SNTG1: variants seen among roughly 807,000 people sequenced by gnomAD.
SNTG1 encodes the protein gamma-1-syntrophin.
SNTG1 carries 39 observed loss-of-function variants against 74.7 expected under a neutral mutation model. The ratio of observed to expected loss-of-function variants is 0.52; its 90% CI spans 0.40 to 0.68. The LOEUF (loss-of-function observed/expected upper bound fraction) is 0.68. SNTG1 is among the 30% of genes least tolerant of loss of function. SNTG1 has a pLI of 0.00. For missense variants in SNTG1, 685 were observed against 609.5 expected (o/e 1.12, Z -1.30); for synonymous variants, 254 against 217.1 (o/e 1.17, Z -1.49).
At chr8:50,784,413 G>C (rs1020239449) in intron 18 of SNTG1, among the ~76,000 whole-genome samples, 1 of 151,982 alleles carries the variant, frequency 6.6e-6, no homozygotes, top group Non-Finnish European at 1.5e-5. Flanking sequence ...TACAAAAAAG[G>C]CTTTAAGTCA....
intron 1 of SNTG1, among the ~76,000 whole-genome samples, chr8:50,005,472 C>A (rs1366676650): frequency 7.4e-5 from 11 of 148,890 alleles, no homozygotes; most frequent in South Asian, 2.1e-4. Context: ...GGTATTACTG[C>A]AAAAAAAAAA....
chr8:50,271,532 T>C (rs1310622607), intron 2 of SNTG1, among the ~76,000 whole-genome samples: 1 of 152,190 alleles, frequency 6.6e-6, no homozygotes, highest in Non-Finnish European at 1.5e-5. Flanking sequence ...GCTGATTAAA[T>C]TTATAAGGTT....
intron 2 of SNTG1, among the ~76,000 whole-genome samples, chr8:50,249,108 A>C (rs2129845267): frequency 6.6e-6 from 1 of 152,226 alleles, no homozygotes; most frequent in East Asian, 1.9e-4. Context: ...CTACAAGGAA[A>C]ATACAAGCTG....
chr8:50,376,246 C>T (rs1217834110), intron 2 of SNTG1, among the ~76,000 whole-genome samples: 2 of 152,136 alleles, frequency 1.3e-5, no homozygotes, highest in African/African-American at 2.4e-5. Flanking sequence ...ACAGATTATA[C>T]ACATCCTCCA....
chr8:50,456,261 C>A (rs992121666), intron 8 of SNTG1, among the ~76,000 whole-genome samples: 2 of 152,144 alleles, frequency 1.3e-5, no homozygotes, highest in East Asian at 3.9e-4. Context: ...TATTTGTCCT[C>A]TTATTTTTTG....
At chr8:50,634,491 T>G (rs1227656035) in intron 13 of SNTG1, among the ~76,000 whole-genome samples, 1 of 152,204 alleles carries the variant, frequency 6.6e-6, no homozygotes, top group African/African-American at 2.4e-5. Flanking sequence ...TAACTGAAAT[T>G]TTATTGAAAT....
intron 13 of SNTG1, among the ~76,000 whole-genome samples, chr8:50,628,284 C>A (rs2094970806): frequency 2.0e-5 from 3 of 151,804 alleles, no homozygotes; most frequent in Admixed American, 1.3e-4. Context: ...AATTTAATAA[C>A]TTGATTGATT....
chr8:50,369,092 T>C (rs1008555589), intron 2 of SNTG1, among the ~76,000 whole-genome samples: 1 of 152,090 alleles, frequency 6.6e-6, no homozygotes, highest in African/African-American at 2.4e-5. Flanking sequence ...TGGAATGGGA[T>C]GAATGTATTT....
At chr8:50,012,790 T>C (rs868099593) in intron 1 of SNTG1, among the ~76,000 whole-genome samples, 8 of 152,016 alleles carry the variant, frequency 5.3e-5, no homozygotes, top group Non-Finnish European at 1.0e-4. Flanking sequence ...GCAAAGTAAA[T>C]GGGTTTAGGA....
At chr8:50,478,052 G>A (rs2093710660) in intron 8 of SNTG1, among the ~76,000 whole-genome samples, 1 of 152,022 alleles carries the variant, frequency 6.6e-6, no homozygotes, top group South Asian at 2.1e-4. Flanking sequence ...TTCAGAAAGA[G>A]CTCTCCTCCT....
At chr8:50,493,000 A>C (rs1251421372) in intron 8 of SNTG1, among the ~76,000 whole-genome samples, 2 of 152,212 alleles carry the variant, frequency 1.3e-5, no homozygotes, top group Admixed American at 1.3e-4. Context: ...GAGGCCTCAG[A>C]AATAACACCA....
chr8:50,485,329 T>C (rs1485257526), intron 8 of SNTG1, among the ~76,000 whole-genome samples: 4 of 152,212 alleles, frequency 2.6e-5, no homozygotes, highest in Non-Finnish European at 4.4e-5. Flanking sequence ...ACACTTTGAA[T>C]CCTTTTATGC....
intron 17 of SNTG1, among the ~76,000 whole-genome samples, chr8:50,737,612 A>C (rs936843635): frequency 2.0e-5 from 3 of 152,166 alleles, no homozygotes; most frequent in Non-Finnish European, 4.4e-5. Flanking sequence ...ACAAAAAAAG[A>C]AAATTTCAGG....
intron 2 of SNTG1, among the ~76,000 whole-genome samples, chr8:50,308,567 A>G (rs2089988503): frequency 6.6e-6 from 1 of 152,114 alleles, no homozygotes; most frequent in African/African-American, 2.4e-5. Flanking sequence ...CTACATTGTC[A>G]CCACCTCCAT....
intron 12 of SNTG1, among the ~76,000 whole-genome samples, chr8:50,582,856 G>T (rs1294890626): frequency 3.3e-5 from 5 of 151,794 alleles, no homozygotes; most frequent in African/African-American, 9.7e-5. Context: ...CACATATTTT[G>T]GGAATTAAAA....
chr8:50,298,781 T>A (rs1243341287), intron 2 of SNTG1, among the ~76,000 whole-genome samples: 3 of 152,146 alleles, frequency 2.0e-5, no homozygotes, highest in Non-Finnish European at 4.4e-5. Flanking sequence ...ACATTTCCTA[T>A]TTTTGTGCTG....
At chr8:50,520,462 G>A (rs1320225273) in intron 9 of SNTG1, among the ~76,000 whole-genome samples, 1 of 152,152 alleles carries the variant, frequency 6.6e-6, no homozygotes, top group Non-Finnish European at 1.5e-5. Context: ...AAACTAAAGA[G>A]CTTCTGCACA....
intron 8 of SNTG1, among the ~76,000 whole-genome samples, chr8:50,501,450 TTTTTC>T (rs2093953440): frequency 7.1e-6 from 1 of 141,114 alleles, no homozygotes; most frequent in Admixed American, 7.1e-5. Context: ...TTTTTTTTTT[TTTTTC>T]ACGGAGTTTT....
intron 17 of SNTG1, among the ~76,000 whole-genome samples, chr8:50,710,176 A>G (rs1346305365): frequency 1.3e-5 from 2 of 152,184 alleles, no homozygotes; most frequent in Non-Finnish European, 2.9e-5. Flanking sequence ...TAACATGGTA[A>G]AATTAGACAG....
Sources: allele counts gnomAD v4.1 joint callset (sites outside exome capture counted in the v4.1 genomes callset), GRCh38; gene constraint gnomAD v4.1.1; transcripts MANE v1.5; gene names NCBI Gene and HGNC (gene_info 2026-07-23, HGNC 2026-07-21).